VDAC1: variants seen among roughly 807,000 people sequenced by gnomAD.
VDAC1 encodes voltage dependent anion channel 1, also known as non-selective voltage-gated ion channel VDAC1.
A neutral mutation model predicts 34.7 loss-of-function variants in VDAC1; 10 were observed. That is an observed-to-expected ratio of 0.29 (90% CI 0.18 to 0.49). The LOEUF (loss-of-function observed/expected upper bound fraction) is 0.49, where lower values mean the gene tolerates loss of function less well. VDAC1 is among the 20% of genes least tolerant of loss of function. VDAC1 has a pLI of 0.99. For missense variants in VDAC1, 230 were observed against 347.9 expected, an observed-to-expected ratio of 0.66 and a Z score of 2.69; for synonymous variants, 130 against 136.0, an observed-to-expected ratio of 0.96 and a Z score of 0.30.
chr5:134,105,224 C>G, the VDAC1 span, among the ~76,000 whole-genome samples: 1 of 152,174 alleles, frequency 6.6e-6, no homozygotes, highest in East Asian at 1.9e-4. Context: ...ATTGATATCC[C>G]AGGAGCTCCT....
the VDAC1 span, among the ~76,000 whole-genome samples, chr5:134,087,032 C>T: frequency 5.3e-5 from 8 of 152,180 alleles, no homozygotes; most frequent in South Asian, 2.1e-4. Flanking sequence ...TTCATGAGGG[C>T]GGCGTGCGGT....
intron 5 of VDAC1, among the ~76,000 whole-genome samples, chr5:133,986,841 G>C (rs1470299743): frequency 6.6e-6 from 1 of 152,134 alleles, no homozygotes; most frequent in Admixed American, 6.6e-5. Context: ...AACGACAGAG[G>C]TTTGTCAAAA....
At chr5:134,028,585 T>G in the VDAC1 span, among the ~76,000 whole-genome samples, 1 of 152,228 alleles carries the variant, frequency 6.6e-6, no homozygotes, top group African/African-American at 2.4e-5. Flanking sequence ...GGAGGGAACA[T>G]CCAGTCATCT....
chr5:134,082,704 C>G, the VDAC1 span, among the ~76,000 whole-genome samples: 1 of 152,290 alleles, frequency 6.6e-6, no homozygotes, highest in East Asian at 1.9e-4. Context: ...ACCTCCTTGC[C>G]AACACCTGGT....
At chr5:133,993,681 A>T (rs1487549366) in intron 1 of VDAC1, among the ~76,000 whole-genome samples, 1 of 152,222 alleles carries the variant, frequency 6.6e-6, no homozygotes, top group East Asian at 1.9e-4. Flanking sequence ...TACATTAAAC[A>T]AATATTTATT....
chr5:134,080,562 A>ACGGGCAGGTTAAGTCGCGGAGGTACAG, the VDAC1 span, among the ~76,000 whole-genome samples: 3 of 47,780 alleles, frequency 6.3e-5, no homozygotes, highest in African/African-American at 1.4e-4. Context: ...CCGAGGTACC[A>ACGGGCAGGTTAAGTCGCGGAGGTACAG]TACCGTGAGC....
chr5:134,026,597 C>T, the VDAC1 span, among the ~76,000 whole-genome samples: 2 of 151,842 alleles, frequency 1.3e-5, no homozygotes, highest in South Asian at 4.1e-4. Flanking sequence ...ACTCCCCTGG[C>T]TGCCACACAC....
upstream of VDAC1, among the ~76,000 whole-genome samples, chr5:134,006,725 A>T (rs1215047691): frequency 1.4e-5 from 2 of 143,470 alleles, no homozygotes; most frequent in African/African-American, 5.2e-5. Flanking sequence ...CCTGACTGAC[A>T]GAGTGACATT....
At chr5:134,105,827 G>C in the VDAC1 span, among the ~76,000 whole-genome samples, 1 of 152,240 alleles carries the variant, frequency 6.6e-6, no homozygotes, top group East Asian at 1.9e-4. Context: ...CTGACTTTGG[G>C]AGGTGCCCAC....
At chr5:134,107,456 T>TA in the VDAC1 span, among the ~76,000 whole-genome samples, 1 of 152,242 alleles carries the variant, frequency 6.6e-6, no homozygotes, top group South Asian at 2.1e-4. Context: ...CCCAGGCCCC[T>TA]ACATGGCCAG....
chr5:134,028,706 G>A, the VDAC1 span, among the ~76,000 whole-genome samples: 2 of 152,146 alleles, frequency 1.3e-5, no homozygotes, highest in Non-Finnish European at 2.9e-5. Context: ...ACAGTGGGAA[G>A]GGACCTTGCG....
At chr5:134,029,361 C>T in the VDAC1 span, among the ~76,000 whole-genome samples, 66,385 of 152,114 alleles carry the variant, frequency 0.44, 14,668 homozygotes, top group Admixed American at 0.5. Flanking sequence ...AGCCACTGCA[C>T]TTTGGGGTAA....
chr5:134,039,700 G>A, the VDAC1 span, among the ~76,000 whole-genome samples: 2 of 152,214 alleles, frequency 1.3e-5, no homozygotes, highest in African/African-American at 4.8e-5. Flanking sequence ...AGACCTGGCT[G>A]CTATTAGAGA....
the VDAC1 span, among the ~76,000 whole-genome samples, chr5:134,094,695 CAAAAAAAAAAAAAAA>C: frequency 1.2e-4 from 8 of 68,504 alleles, no homozygotes; most frequent in Non-Finnish European, 2.1e-4. Context: ...GACTCCGTCT[CAAAAAAAAAAAAAAA>C]AAAAAAAAAA....
At chr5:134,039,528 A>T in the VDAC1 span, among the ~76,000 whole-genome samples, 98 of 151,732 alleles carry the variant, frequency 6.5e-4, 2 homozygotes, top group African/African-American at 2.3e-3. Context: ...CGGGGGTTTC[A>T]CCGTGTTAGC....
chr5:134,072,034 C>G, the VDAC1 span, among the ~76,000 whole-genome samples: 1 of 152,094 alleles, frequency 6.6e-6, no homozygotes, highest in Admixed American at 6.6e-5. Flanking sequence ...ATCCAGTCCC[C>G]CACAGCAGCA....
chr5:134,058,383 G>A, the VDAC1 span, among the ~76,000 whole-genome samples: 2 of 151,192 alleles, frequency 1.3e-5, no homozygotes, highest in South Asian at 2.1e-4. Flanking sequence ...GTGCAATCTC[G>A]GCTCACTGGA....
chr5:134,109,707 T>C, the VDAC1 span, among the ~76,000 whole-genome samples: 1 of 150,394 alleles, frequency 6.6e-6, no homozygotes, highest in East Asian at 1.9e-4. Context: ...GAGGCAGAGG[T>C]TGCAGTGAGC....
intron 7 of VDAC1, among the ~76,000 whole-genome samples, chr5:133,975,072 G>A (rs528845579): frequency 2.2e-4 from 34 of 152,158 alleles, no homozygotes; most frequent in African/African-American, 7.9e-4. Flanking sequence ...TTTGAGACCA[G>A]CCCAGGCAAC....
Sources: allele counts gnomAD v4.1 joint callset (sites outside exome capture counted in the v4.1 genomes callset), GRCh38; gene constraint gnomAD v4.1.1; transcripts MANE v1.5; gene names NCBI Gene and HGNC (gene_info 2026-07-23, HGNC 2026-07-21).